Variants in ANOS1 observed in about 807,000 individuals in gnomAD.
ANOS1 encodes anosmin 1, also known as anosmin-1.
ANOS1 carries 6 observed loss-of-function variants against 59.0 expected under a neutral mutation model. The ratio of observed to expected loss-of-function variants is 0.10; its 90% CI spans 0.06 to 0.20. The LOEUF (loss-of-function observed/expected upper bound fraction) is 0.20. Ranked by LOEUF, ANOS1 falls within the 10% of genes least tolerant of loss-of-function variation. The probability of loss-of-function intolerance (pLI) is 1.00; values close to 1 mark genes in which losing one functional copy is unlikely to be tolerated. For missense variants in ANOS1, 433 were observed against 542.3 expected (o/e 0.80, Z 2.00); for synonymous variants, 217 against 223.4 (o/e 0.97, Z 0.25).
At chrX:8,626,111 C>CA (rs138234272) in intron 2 of ANOS1, among the ~76,000 whole-genome samples, 10,997 of 24,385 alleles carry the variant, frequency 0.45, 3,095 homozygotes, top group Non-Finnish European at 0.56. Flanking sequence ...GACTCTGTCT[C>CA]AAAAAAAAAA....
intron 2 of ANOS1, among the ~76,000 whole-genome samples, chrX:8,643,595 G>A (rs1423653529): frequency 4.5e-5 from 5 of 111,918 alleles, no homozygotes; most frequent in Non-Finnish European, 7.5e-5. Context: ...TATGTTTTTT[G>A]TTACATTTTG....
chrX:8,611,284 T>C (rs1356270387), intron 3 of ANOS1, among the ~76,000 whole-genome samples: 1 of 93,029 alleles, frequency 1.1e-5, no homozygotes, highest in South Asian at 5.2e-4. Flanking sequence ...AATAAACTAT[T>C]AAAATGAAGC....
chrX:8,727,784 TC>T (rs1932932665), intron 1 of ANOS1, among the ~76,000 whole-genome samples: 1 of 112,233 alleles, frequency 8.9e-6, no homozygotes, highest in African/African-American at 3.2e-5. Context: ...CTTCCACCAT[TC>T]CCGAGTCTGG....
intron 6 of ANOS1, among the ~76,000 whole-genome samples, chrX:8,573,205 A>G (rs1037588337): frequency 1.8e-5 from 2 of 109,972 alleles, no homozygotes; most frequent in African/African-American, 6.6e-5. Flanking sequence ...CTGGCATTAC[A>G]GGCACCTGCC....
chrX:8,588,728 T>A (rs1470065874), intron 4 of ANOS1, among the ~76,000 whole-genome samples: 2 of 112,656 alleles, frequency 1.8e-5, no homozygotes, highest in Non-Finnish European at 3.8e-5. Flanking sequence ...TTTATCGCCT[T>A]CTGTACATGC....
chrX:8,650,799 A>G (rs927785804), intron 2 of ANOS1, among the ~76,000 whole-genome samples: 1 of 112,395 alleles, frequency 8.9e-6, no homozygotes, highest in African/African-American at 3.2e-5. Flanking sequence ...GCTGAATCAA[A>G]GTCAAAGGAG....
intron 9 of ANOS1, among the ~76,000 whole-genome samples, chrX:8,546,732 T>C (rs1255657506): frequency 1.8e-5 from 2 of 112,126 alleles, no homozygotes; most frequent in Non-Finnish European, 3.8e-5. Flanking sequence ...CTCCATATCA[T>C]GGAGACATAT....
chrX:8,694,130 T>C (rs183125230), intron 2 of ANOS1, among the ~76,000 whole-genome samples: 1 of 111,700 alleles, frequency 9.0e-6, no homozygotes, highest in Admixed American at 9.5e-5. Context: ...ACCCTTCATA[T>C]CACTTTATCA....
chrX:8,569,475 T>C (rs1930184037), intron 7 of ANOS1, among the ~76,000 whole-genome samples: 1 of 111,463 alleles, frequency 9.0e-6, no homozygotes, highest in Admixed American at 9.5e-5. Flanking sequence ...ACCCTGTCTC[T>C]ACTAAAAATA....
chrX:8,571,562 A>C (rs1286562262), intron 6 of ANOS1, among the ~76,000 whole-genome samples: 1 of 112,242 alleles, frequency 8.9e-6, no homozygotes, highest in Non-Finnish European at 1.9e-5. Context: ...TGGATGACTT[A>C]TGGATAGCAT....
At chrX:8,667,239 C>T (rs1024213582) in intron 2 of ANOS1, among the ~76,000 whole-genome samples, 2 of 110,929 alleles carry the variant, frequency 1.8e-5, no homozygotes, top group Admixed American at 9.6e-5. Flanking sequence ...TTCAAGCCTT[C>T]CCGTACTGGA....
intron 9 of ANOS1, among the ~76,000 whole-genome samples, chrX:8,552,899 G>T (rs1601950910): frequency 9.2e-6 from 1 of 108,267 alleles, no homozygotes; most frequent in East Asian, 2.8e-4. Flanking sequence ...TAACATTATA[G>T]AAATAAAATA....
At chrX:8,539,255 G>A (rs1224149338) in intron 10 of ANOS1, among the ~76,000 whole-genome samples, 5 of 111,141 alleles carry the variant, frequency 4.5e-5, no homozygotes, top group Admixed American at 1.9e-4. Context: ...GGGACATGGT[G>A]CTCAATGATA....
At chrX:8,613,281 C>T (rs899883230) in intron 3 of ANOS1, among the ~76,000 whole-genome samples, 2 of 110,086 alleles carry the variant, frequency 1.8e-5, no homozygotes. Flanking sequence ...GAACATGGCT[C>T]GCTACAGCCT....
At position 8,725,557 on chromosome X, in the gene ANOS1, TATATACA is replaced by T. The variant is rs1932905630; in HGVS notation, c.207+6266_207+6272del. 7.1e-5 allele frequency among the ~76,000 whole-genome samples: 6 copies of T among 84,470 alleles called. 2 individuals are homozygous for T. In the East Asian group the frequency reaches 2.6e-3, roughly 36 times the overall value. The allele number at this position is 84,470 out of a possible 115,157, so 73.4% of individuals were successfully genotyped here. Reference sequence around the variant, plus strand: ...ATACAGATATATATATACAGATATATATATACAGATATACATATATACAGATATATAT... The same window carrying T: ...ATACAGATATATATATACAGATATATGATATACATATATACAGATATATAT... On this transcript the variant is annotated intron_variant, in intron 1 of 13. Coordinates refer to ENST00000262648, the MANE Select transcript of ANOS1 (RefSeq NM_000216.4).
At chrX:8,612,190 A>G (rs1293587809) in intron 3 of ANOS1, among the ~76,000 whole-genome samples, 1 of 112,197 alleles carries the variant, frequency 8.9e-6, no homozygotes, top group African/African-American at 3.2e-5. Context: ...TTAACTAGAA[A>G]TCAGTAGGAA....
chrX:8,608,383 G>A (rs187317930), intron 3 of ANOS1, among the ~76,000 whole-genome samples: 1 of 111,389 alleles, frequency 9.0e-6, no homozygotes, highest in East Asian at 2.8e-4. Context: ...AAATTAGAAA[G>A]TTGTCAAATA....
chrX:8,578,356 A>G (rs1341404117), intron 6 of ANOS1, among the ~76,000 whole-genome samples: 1 of 109,320 alleles, frequency 9.1e-6, no homozygotes, highest in Non-Finnish European at 1.9e-5. Flanking sequence ...CTGAAGCTAC[A>G]CTGCAGGCAA....
chrX:8,639,131 C>T (rs1931618593), intron 2 of ANOS1, among the ~76,000 whole-genome samples: 1 of 111,253 alleles, frequency 9.0e-6, no homozygotes, highest in South Asian at 3.8e-4. Flanking sequence ...CTGAAAATAA[C>T]TTATATAAGA....
Sources: gnomAD v4.1 joint callset for allele counts (sites outside exome capture counted in the v4.1 genomes callset) on GRCh38, gnomAD v4.1.1 for gene constraint, MANE v1.5 for transcripts, NCBI Gene and HGNC (gene_info 2026-07-23, HGNC 2026-07-21) for gene names.